The following TMPRSS12 variants were observed in gnomAD, a reference collection of about 807,000 sequenced individuals.
TMPRSS12 encodes transmembrane protease serine 12.
TMPRSS12 carries 25 observed loss-of-function variants against 26.0 expected under a neutral mutation model. That is an observed-to-expected ratio of 0.96 (90% CI 0.70 to 1.34). The LOEUF (loss-of-function observed/expected upper bound fraction) is 1.34, where lower values mean the gene tolerates loss of function less well. TMPRSS12 is among the 40% of genes most tolerant of loss of function. The pLI, the probability that TMPRSS12 is intolerant of heterozygous loss-of-function variation, is 0.00. For missense variants in TMPRSS12, 441 were observed against 440.1 expected, an observed-to-expected ratio of 1.00 and a Z score of -0.02; for synonymous variants, 150 against 161.7, an observed-to-expected ratio of 0.93 and a Z score of 0.55.
At chr12:50,846,160 T>G (rs1937764856) in intron 2 of TMPRSS12, among the ~76,000 whole-genome samples, 1 of 152,204 alleles carries the variant, frequency 6.6e-6, no homozygotes, top group South Asian at 2.1e-4. Context: ...TTTATCTATT[T>G]TTTTTCTTTT....
chr12:50,865,111 C>T (rs933118251), intron 3 of TMPRSS12, among the ~76,000 whole-genome samples: 1 of 152,122 alleles, frequency 6.6e-6, no homozygotes, highest in South Asian at 2.1e-4. Flanking sequence ...GCAGGTGGAT[C>T]ACCTGAGACC....
chr12:50,856,945 C>T (rs893014376), intron 2 of TMPRSS12, among the ~76,000 whole-genome samples: 1 of 152,146 alleles, frequency 6.6e-6, no homozygotes, highest in Admixed American at 6.5e-5. Context: ...CTGTCTCGGC[C>T]TCCCAAAGTG....
chr12:50,859,959 G>C (rs1937919398), intron 3 of TMPRSS12, among the ~76,000 whole-genome samples: 1 of 152,126 alleles, frequency 6.6e-6, no homozygotes, highest in African/African-American at 2.4e-5. Flanking sequence ...AGTATTATAG[G>C]TTCTTATAAA....
chr12:50,857,895 C>A (rs1223516574), intron 2 of TMPRSS12, among the ~76,000 whole-genome samples: 1 of 152,022 alleles, frequency 6.6e-6, no homozygotes, highest in Non-Finnish European at 1.5e-5. Flanking sequence ...GTGGCACGAT[C>A]TCGGCTCACT....
At chr12:50,850,692 A>G (rs1449815801) in intron 2 of TMPRSS12, among the ~76,000 whole-genome samples, 2 of 152,140 alleles carry the variant, frequency 1.3e-5, no homozygotes, top group African/African-American at 4.8e-5. Context: ...CCACCAGTGC[A>G]CACACACATG....
At chr12:50,872,978 G>A (rs1408128552) in intron 3 of TMPRSS12, among the ~76,000 whole-genome samples, 3 of 149,804 alleles carry the variant, frequency 2.0e-5, no homozygotes, top group Non-Finnish European at 4.4e-5. Context: ...TATATATGAC[G>A]TATATATATG....
intron 2 of TMPRSS12, among the ~76,000 whole-genome samples, chr12:50,858,035 G>T (rs1049368273): frequency 6.6e-6 from 1 of 151,992 alleles, no homozygotes; most frequent in Non-Finnish European, 1.5e-5. Flanking sequence ...GTAGAGACAG[G>T]GTTTCACCAT....
intron 3 of TMPRSS12, among the ~76,000 whole-genome samples, chr12:50,875,489 C>CAAAAAAAAAAA (rs56816598): frequency 4.9e-4 from 34 of 69,434 alleles, no homozygotes; most frequent in African/African-American, 7.1e-4. Context: ...GACTCCATCT[C>CAAAAAAAAAAA]AAAAAAAAAA....
chr12:50,865,114 C>T (rs1937978878), intron 3 of TMPRSS12, among the ~76,000 whole-genome samples: 1 of 152,090 alleles, frequency 6.6e-6, no homozygotes, highest in Non-Finnish European at 1.5e-5. Flanking sequence ...GGTGGATCAC[C>T]TGAGACCAGG....
chr12:50,857,881 T>C (rs1387265195), intron 2 of TMPRSS12, among the ~76,000 whole-genome samples: 1 of 151,904 alleles, frequency 6.6e-6, no homozygotes. Flanking sequence ...CAGGCTGGAG[T>C]GCAGTGGCAC....
chr12:50,869,247 C>T (rs1938020035), intron 3 of TMPRSS12, among the ~76,000 whole-genome samples: 1 of 151,684 alleles, frequency 6.6e-6, no homozygotes, highest in East Asian at 1.9e-4. Context: ...ATTGATAGGC[C>T]ATTAGCAGGA....
At chr12:50,872,165 G>A (rs536602143) in intron 3 of TMPRSS12, among the ~76,000 whole-genome samples, 2 of 152,208 alleles carry the variant, frequency 1.3e-5, no homozygotes, top group East Asian at 3.9e-4. Context: ...AGCACAATTC[G>A]CAATTGCAGA....
At chr12:50,856,754 T>G (rs1472685601) in intron 2 of TMPRSS12, among the ~76,000 whole-genome samples, 1 of 152,198 alleles carries the variant, frequency 6.6e-6, no homozygotes, top group Non-Finnish European at 1.5e-5. Context: ...GGCATAGTCA[T>G]GGCTCACTGC....
chr12:50,854,711 C>T (rs1381950990), intron 2 of TMPRSS12, among the ~76,000 whole-genome samples: 2 of 152,028 alleles, frequency 1.3e-5, no homozygotes, highest in Non-Finnish European at 2.9e-5. Context: ...ATCCCATTCT[C>T]AATAGCCAAA....
intron 3 of TMPRSS12, among the ~76,000 whole-genome samples, chr12:50,871,343 G>A (rs1231954527): frequency 6.6e-6 from 1 of 152,142 alleles, no homozygotes; most frequent in African/African-American, 2.4e-5. Context: ...ACGTAAAATG[G>A]GGAAAGGACA....
At chr12:50,846,850 C>T (rs896847776) in intron 2 of TMPRSS12, among the ~76,000 whole-genome samples, 1 of 151,890 alleles carries the variant, frequency 6.6e-6, no homozygotes, top group Non-Finnish European at 1.5e-5. Flanking sequence ...AAAGTGGTAA[C>T]TGCAGGTGTG....
In TMPRSS12 at chr12:50,844,156, A is replaced by G. The variant is rs1049831688; in HGVS notation, c.383+119A>G. The G allele has an allele frequency of 8.6e-5, 64 of 742,184 alleles. 1 individual carries two copies. In the South Asian group the frequency reaches 1.3e-3, roughly 15 times the overall value. 46.0% of individuals were successfully genotyped at this position (742,184 alleles called of 1,614,324 possible). ...TGTTTGCAAATAGCCATAATGCCTTATATATAGTACAGTGTATTTGTTGAA... is the reference window on the plus strand; with the variant it reads ...TGTTTGCAAATAGCCATAATGCCTTGTATATAGTACAGTGTATTTGTTGAA... On this transcript the variant is annotated intron_variant, in intron 2 of 4. Coordinates refer to ENST00000398458, the MANE Select transcript of TMPRSS12 (RefSeq NM_182559.3).
At chr12:50,887,060 T>G in intron 4 of TMPRSS12, 1 of 553,524 alleles carries the variant, frequency 1.8e-6, no homozygotes. Flanking sequence ...ATATGGTTCC[T>G]CCAAATACCT....
At chr12:50,847,004 CAAA>C (rs533581364) in intron 2 of TMPRSS12, among the ~76,000 whole-genome samples, 1 of 124,918 alleles carries the variant, frequency 8.0e-6, no homozygotes, top group African/African-American at 2.7e-5. Context: ...TCTGTTTCTG[CAAA>C]AAAAAAAATG....
Sources: gnomAD v4.1 joint callset for allele counts (sites outside exome capture counted in the v4.1 genomes callset) on GRCh38, gnomAD v4.1.1 for gene constraint, MANE v1.5 for transcripts, NCBI Gene and HGNC (gene_info 2026-07-23, HGNC 2026-07-21) for gene names.